Variants in PTPRD observed in about 807,000 individuals in gnomAD.
PTPRD encodes protein tyrosine phosphatase receptor type D.
A neutral mutation model predicts 214.5 loss-of-function variants in PTPRD; 34 were observed. The ratio of observed to expected loss-of-function variants is 0.16; its 90% CI spans 0.12 to 0.21. PTPRD has a LOEUF of 0.21. Ranked by LOEUF, PTPRD falls within the 10% of genes least tolerant of loss-of-function variation. The pLI, the probability that PTPRD is intolerant of heterozygous loss-of-function variation, is 1.00. For missense variants in PTPRD, 2,545 were observed against 2,398.7 expected (o/e 1.06, Z -1.27); for synonymous variants, 1,128 against 845.7 (o/e 1.33, Z -5.79).
At chr9:8,549,480 CAG>C (rs2081356476) in intron 14 of PTPRD, among the ~76,000 whole-genome samples, 2 of 152,176 alleles carry the variant, frequency 1.3e-5, no homozygotes, top group Admixed American at 1.3e-4. Context: ...GTATGGGAAA[CAG>C]GGGTTTTGCA....
intron 7 of PTPRD, among the ~76,000 whole-genome samples, chr9:9,658,536 T>C (rs1278255592): frequency 1.3e-5 from 2 of 152,160 alleles, no homozygotes; most frequent in Admixed American, 6.6e-5. Flanking sequence ...CTAGAGTTCA[T>C]ACTTGGGAAG....
chr9:10,081,266 T>A (rs1204226672), intron 3 of PTPRD, among the ~76,000 whole-genome samples: 2 of 152,172 alleles, frequency 1.3e-5, no homozygotes, highest in Non-Finnish European at 2.9e-5. Flanking sequence ...AAGATTCTGA[T>A]ACACATCAAT....
intron 4 of PTPRD, among the ~76,000 whole-genome samples, chr9:9,941,532 A>G (rs1276154114): frequency 5.3e-5 from 8 of 152,274 alleles, no homozygotes; most frequent in Non-Finnish European, 7.4e-5. Context: ...CGTATTGGCC[A>G]GGCTGTTCTT....
At chr9:9,798,706 T>C (rs1276338098) in intron 5 of PTPRD, among the ~76,000 whole-genome samples, 1 of 152,114 alleles carries the variant, frequency 6.6e-6, no homozygotes, top group Admixed American at 6.6e-5. Flanking sequence ...GAATAAGCCA[T>C]ATGTAGAGAA....
In PTPRD at chr9:9,928,126, C is replaced by T. The variant is rs570298565; in HGVS notation, c.-368+10381G>A. Among the ~76,000 whole-genome samples, 15 of 152,160 alleles carry T rather than the reference C, an allele frequency of 9.9e-5. No homozygotes were observed. In the South Asian group the frequency reaches 2.5e-3, roughly 25 times the overall value. ...GTGCTCCAGAAAATATAATGTCAAC[C>T]GTTAAAATTCAACTTTACTACAGTT... On this transcript the variant is annotated intron_variant, in intron 5 of 45. Transcript: ENST00000381196.
intron 3 of PTPRD, among the ~76,000 whole-genome samples, chr9:10,122,930 G>A (rs1563956384): frequency 2.0e-5 from 3 of 152,290 alleles, no homozygotes; most frequent in South Asian, 2.1e-4. Flanking sequence ...AAAAGATTGC[G>A]GCAGATATAA....
At chr9:10,454,582 T>G (rs2098890527) in intron 2 of PTPRD, among the ~76,000 whole-genome samples, 1 of 151,694 alleles carries the variant, frequency 6.6e-6, no homozygotes, top group Admixed American at 6.6e-5. Context: ...CTAGCAATCA[T>G]TCTTCCACCT....
At chr9:9,818,009 T>A (rs542218644) in intron 5 of PTPRD, among the ~76,000 whole-genome samples, 33 of 152,304 alleles carry the variant, frequency 2.2e-4, no homozygotes, top group Admixed American at 1.0e-3. Flanking sequence ...CAAGGGCTGA[T>A]CTTGGGGAAA....
At chr9:10,308,212 C>A (rs1390608775) in intron 3 of PTPRD, among the ~76,000 whole-genome samples, 1 of 151,914 alleles carries the variant, frequency 6.6e-6, no homozygotes, top group East Asian at 1.9e-4. Flanking sequence ...GCATTTAAGA[C>A]CTTAATCTAT....
At chr9:9,677,083 T>C (rs1344705443) in intron 7 of PTPRD, among the ~76,000 whole-genome samples, 1 of 152,172 alleles carries the variant, frequency 6.6e-6, no homozygotes, top group South Asian at 2.1e-4. Context: ...AGGTTGCCTG[T>C]TCACTCTGAT....
At chr9:9,609,393 A>T (rs2094388196) in intron 7 of PTPRD, among the ~76,000 whole-genome samples, 1 of 152,202 alleles carries the variant, frequency 6.6e-6, no homozygotes, top group African/African-American at 2.4e-5. Context: ...ACAAAAAAAC[A>T]GAAGCACAGA....
chr9:9,870,498 C>T (rs1283341346), intron 5 of PTPRD, among the ~76,000 whole-genome samples: 3 of 151,862 alleles, frequency 2.0e-5, no homozygotes, highest in Non-Finnish European at 4.4e-5. Context: ...TGAGATTTTA[C>T]AGCAACCTTT....
At chr9:10,115,747 G>A (rs1012518823) in intron 3 of PTPRD, among the ~76,000 whole-genome samples, 1 of 152,004 alleles carries the variant, frequency 6.6e-6, no homozygotes, top group Non-Finnish European at 1.5e-5. Context: ...GATTATAACT[G>A]GAATAGTGTG....
At chr9:8,656,627 C>G (rs2096914771) in intron 12 of PTPRD, among the ~76,000 whole-genome samples, 1 of 152,228 alleles carries the variant, frequency 6.6e-6, no homozygotes, top group Non-Finnish European at 1.5e-5. Context: ...TTTACCTTCA[C>G]ACACAGTGGT....
intron 14 of PTPRD, among the ~76,000 whole-genome samples, chr9:8,581,421 G>A (rs192196822): frequency 6.6e-6 from 1 of 152,238 alleles, no homozygotes; most frequent in Admixed American, 6.5e-5. Flanking sequence ...CAAAAAAGAG[G>A]GAAAAGGGAC....
chr9:8,487,867 T>G (rs1454951424), intron 27 of PTPRD, among the ~76,000 whole-genome samples: 5 of 148,186 alleles, frequency 3.4e-5, no homozygotes, highest in Non-Finnish European at 7.5e-5. Context: ...AGACCTTATC[T>G]CTACGGGGGG....
intron 11 of PTPRD, among the ~76,000 whole-genome samples, chr9:8,923,452 C>T (rs1220838993): frequency 1.3e-5 from 2 of 151,810 alleles, no homozygotes; most frequent in African/African-American, 4.8e-5. Flanking sequence ...CCACACTCCA[C>T]TCCTGTGGCC....
intron 14 of PTPRD, among the ~76,000 whole-genome samples, chr9:8,532,635 G>C (rs952888022): frequency 1.3e-5 from 2 of 151,974 alleles, no homozygotes; most frequent in Admixed American, 6.6e-5. Flanking sequence ...ACTTATCACT[G>C]TTCCATATTA....
At chr9:9,105,625 C>T (rs992496762) in intron 10 of PTPRD, among the ~76,000 whole-genome samples, 1 of 152,142 alleles carries the variant, frequency 6.6e-6, no homozygotes, top group African/African-American at 2.4e-5. Context: ...AGTACTTCAT[C>T]AACTAAGATC....
Sources: allele counts gnomAD v4.1 joint callset (sites outside exome capture counted in the v4.1 genomes callset), GRCh38; gene constraint gnomAD v4.1.1; transcripts MANE v1.5; gene names NCBI Gene and HGNC (gene_info 2026-07-23, HGNC 2026-07-21).